Variants in ANO4 observed in about 807,000 individuals in gnomAD.
The protein encoded by ANO4 is anoctamin 4.
ANO4 carries 69 observed loss-of-function variants against 141.9 expected under a neutral mutation model. That is an observed-to-expected ratio of 0.49 (90% CI 0.40 to 0.59). ANO4 has a LOEUF of 0.59. Ranked by LOEUF, ANO4 falls within the 20% of genes least tolerant of loss-of-function variation. The pLI is 0.00. For missense variants in ANO4, 894 were observed against 1,162.2 expected, an observed-to-expected ratio of 0.77 and a Z score of 3.36; for synonymous variants, 350 against 394.3, an observed-to-expected ratio of 0.89 and a Z score of 1.33.
At chr12:100,848,317 A>G (rs962777477) in intron 1 of ANO4, among the ~76,000 whole-genome samples, 3 of 152,012 alleles carry the variant, frequency 2.0e-5, no homozygotes, top group African/African-American at 7.3e-5. Context: ...TCCTTGTTTC[A>G]TTTCTAGTCA....
chr12:100,939,083 C>T (rs778684135), intron 3 of ANO4, among the ~76,000 whole-genome samples: 12 of 152,120 alleles, frequency 7.9e-5, no homozygotes, highest in Admixed American at 2.0e-4. Flanking sequence ...ATTTACATTA[C>T]GGATGTACTT....
At chr12:100,879,037 A>T (rs531367500) in intron 1 of ANO4, among the ~76,000 whole-genome samples, 1 of 152,254 alleles carries the variant, frequency 6.6e-6, no homozygotes, top group East Asian at 1.9e-4. Context: ...TTTGTCTTTT[A>T]TCTCTATATT....
chr12:101,040,600 G>T (rs954784353), intron 11 of ANO4, among the ~76,000 whole-genome samples: 2 of 150,442 alleles, frequency 1.3e-5, no homozygotes, highest in South Asian at 4.3e-4. Context: ...AAGTGGAAAT[G>T]TATGTTTTTT....
Position 101,096,557 on chromosome 12 carries a change from A to G in ANO4, c.1760A>G (p.Glu587Gly). The G allele has an allele frequency of 6.2e-7, 1 of 1,613,494 alleles. No individual in the cohort carries two copies. Among genetic ancestry groups the G allele is most frequent in the Non-Finnish European group, 8.5e-7 (1 of 1,179,584 alleles). The change falls in exon 19 of 28, where the codon GAG becomes GGG. Residue 587 changes from glutamate to glycine, a missense_variant. By Grantham distance (98) the Glu-to-Gly change is moderately conservative. This residue lies in a region of ANO4 where 637 missense variants were observed against 909.2 expected (regional missense o/e 0.70). Coordinates refer to ENST00000392977, the MANE Select transcript of ANO4 (RefSeq NM_001286615.2). ...TNLEQPRTESEWENSFTLKMF... is the reference protein window; with the variant it reads ...TNLEQPRTESGWENSFTLKMF... ...ACAGAACAGCCTCGCACAGAGTCTG[A>G]GTGGGAGAACAGCTTCACCCTGAAA...
chr12:101,099,546 A>AT (rs2050112750), intron 21 of ANO4, 32 bp from the exon 22 acceptor site: 9 of 1,568,452 alleles, frequency 5.7e-6, no homozygotes, highest in African/African-American at 2.8e-5. Flanking sequence ...GATCAGTTAC[A>AT]TTTTTTGTAA....
chr12:100,898,882 T>A (rs1048052035), intron 1 of ANO4, among the ~76,000 whole-genome samples: 8 of 152,200 alleles, frequency 5.3e-5, no homozygotes, highest in Non-Finnish European at 1.0e-4. Flanking sequence ...CTTCCCTTCA[T>A]CTGTCATCCA....
At chr12:100,805,289 A>G (rs2034937812) in intron 1 of ANO4, among the ~76,000 whole-genome samples, 1 of 151,958 alleles carries the variant, frequency 6.6e-6, no homozygotes, top group Non-Finnish European at 1.5e-5. Flanking sequence ...TGAGTTCTCT[A>G]TTCTGTTCCA....
At chr12:100,933,266 C>G (rs2042153976) in intron 3 of ANO4, among the ~76,000 whole-genome samples, 1 of 152,172 alleles carries the variant, frequency 6.6e-6, no homozygotes, top group Admixed American at 6.6e-5. Flanking sequence ...ATATCCCTCC[C>G]CGAGCCCCCC....
At chr12:100,960,735 G>A (rs933586906) in intron 5 of ANO4, among the ~76,000 whole-genome samples, 8 of 152,112 alleles carry the variant, frequency 5.3e-5, no homozygotes, top group South Asian at 2.1e-4. Flanking sequence ...TCTCTGCAGC[G>A]TACTAAGGGC....
chr12:100,761,708 A>G (rs1423020380), intron 3 of ANO4, among the ~76,000 whole-genome samples: 1 of 152,220 alleles, frequency 6.6e-6, no homozygotes, highest in Non-Finnish European at 1.5e-5. Context: ...CTTATCAGTT[A>G]GAGATTTGAG....
intron 3 of ANO4, among the ~76,000 whole-genome samples, chr12:100,938,060 C>T (rs1246364655): frequency 1.3e-5 from 2 of 152,176 alleles, no homozygotes; most frequent in African/African-American, 4.8e-5. Flanking sequence ...CATAATTCAC[C>T]CTCTCGTAGT....
intron 1 of ANO4, among the ~76,000 whole-genome samples, chr12:100,728,353 C>T (rs2136779423): frequency 6.6e-6 from 1 of 152,332 alleles, no homozygotes; most frequent in African/African-American, 2.4e-5. Flanking sequence ...AACAGTAGAT[C>T]TTGTTCTGTA....
intron 1 of ANO4, among the ~76,000 whole-genome samples, chr12:100,724,097 T>A (rs969067224): frequency 6.6e-6 from 1 of 152,190 alleles, no homozygotes; most frequent in Non-Finnish European, 1.5e-5. Context: ...AATCTTTACC[T>A]CCTGAAGATA....
At chr12:100,900,300 CTTAT>C (rs944916956) in intron 1 of ANO4, among the ~76,000 whole-genome samples, 6 of 150,328 alleles carry the variant, frequency 4.0e-5, no homozygotes, top group East Asian at 4.0e-4. Flanking sequence ...TATTTACTTA[CTTAT>C]TTATTTATTT....
intron 8 of ANO4, among the ~76,000 whole-genome samples, chr12:101,001,800 G>A (rs1270961769): frequency 6.6e-6 from 1 of 152,118 alleles, no homozygotes; most frequent in African/African-American, 2.4e-5. Context: ...AGTGGCACTG[G>A]GGAGAAGGAG....
intron 17 of ANO4, 111 bp from the exon 18 acceptor site, chr12:101,094,145 A>T: frequency 1.2e-6 from 1 of 809,892 alleles, no homozygotes; most frequent in Non-Finnish European, 2.0e-6. Context: ...TGAGCAATGG[A>T]TGCTTAATGA....
At chr12:101,096,443 C>T (rs764749035) in intron 18 of ANO4, 93 bp from the exon 19 acceptor site, 15 of 1,000,630 alleles carry the variant, frequency 1.5e-5, no homozygotes, top group South Asian at 1.1e-4. Flanking sequence ...AGGACTCCTG[C>T]GTCCCCACCC....
At chr12:100,813,405 T>C (rs1366620662) in intron 1 of ANO4, among the ~76,000 whole-genome samples, 1 of 152,154 alleles carries the variant, frequency 6.6e-6, no homozygotes, top group Non-Finnish European at 1.5e-5. Flanking sequence ...AGAGTCTGGA[T>C]TGGATGCTCA....
At chr12:100,814,157 A>G (rs1233287240) in intron 1 of ANO4, among the ~76,000 whole-genome samples, 3 of 152,176 alleles carry the variant, frequency 2.0e-5, no homozygotes, top group Non-Finnish European at 2.9e-5. Flanking sequence ...ACGGTATACT[A>G]TATACTCTGT....
Sources: allele counts gnomAD v4.1 joint callset (sites outside exome capture counted in the v4.1 genomes callset), GRCh38; gene constraint gnomAD v4.1.1; regional missense constraint gnomAD v4.1.1; transcripts MANE v1.5; gene names NCBI Gene and HGNC (gene_info 2026-07-23, HGNC 2026-07-21).